The following DOCK1 variants were observed in gnomAD, a reference collection of about 807,000 sequenced individuals.
DOCK1 encodes the protein dedicator of cytokinesis 1.
In DOCK1, 138 loss-of-function variants were observed where a neutral mutation model predicts 262.7. That is an observed-to-expected ratio of 0.53 (90% CI 0.46 to 0.61). DOCK1 has a LOEUF of 0.61. DOCK1 is among the 20% of genes least tolerant of loss of function. The probability of loss-of-function intolerance (pLI) is 0.00; values close to 1 mark genes in which losing one functional copy is unlikely to be tolerated. For missense variants in DOCK1, 1,908 were observed against 2,370.7 expected (o/e 0.80, Z 4.05); for synonymous variants, 866 against 867.4 (o/e 1.00, Z 0.03).
At chr10:127,188,448 T>A (rs1243587928) in intron 27 of DOCK1, among the ~76,000 whole-genome samples, 2 of 152,200 alleles carry the variant, frequency 1.3e-5, no homozygotes, top group Non-Finnish European at 2.9e-5. Flanking sequence ...CTTCTAGAAA[T>A]TCCATGGCTT....
chr10:127,253,119 A>G (rs2059709628), intron 28 of DOCK1, among the ~76,000 whole-genome samples: 1 of 152,200 alleles, frequency 6.6e-6, no homozygotes, highest in Non-Finnish European at 1.5e-5. Flanking sequence ...CGAACCACAA[A>G]GAATCTGTAG....
At chr10:127,170,345 C>T (rs1186118332) in intron 27 of DOCK1, among the ~76,000 whole-genome samples, 1 of 152,198 alleles carries the variant, frequency 6.6e-6, no homozygotes, top group Non-Finnish European at 1.5e-5. Context: ...TCTCCCCCTA[C>T]CCCAAGCCTG....
At chr10:127,379,689 A>G (rs965152910) in intron 35 of DOCK1, among the ~76,000 whole-genome samples, 4 of 152,176 alleles carry the variant, frequency 2.6e-5, no homozygotes, top group African/African-American at 9.7e-5. Flanking sequence ...AATCATGTTG[A>G]TGATGCTTAT....
chr10:127,191,710 G>A (rs1022348381), intron 27 of DOCK1, among the ~76,000 whole-genome samples: 1 of 152,206 alleles, frequency 6.6e-6, no homozygotes, highest in East Asian at 1.9e-4. Context: ...CATTAAGGTT[G>A]GCAGTGAATA....
intron 27 of DOCK1, among the ~76,000 whole-genome samples, chr10:127,132,314 A>T (rs1294294902): frequency 6.6e-6 from 1 of 152,188 alleles, no homozygotes; most frequent in African/African-American, 2.4e-5. Flanking sequence ...TTACATCCTT[A>T]AGAAAAAACC....
intron 29 of DOCK1, among the ~76,000 whole-genome samples, chr10:127,274,686 G>A (rs1315971483): frequency 6.6e-6 from 1 of 152,228 alleles, no homozygotes; most frequent in African/African-American, 2.4e-5. Flanking sequence ...GTGATTGGTG[G>A]AAAGTTTAAA....
At chr10:127,057,481 A>G (rs567266007) in intron 22 of DOCK1, among the ~76,000 whole-genome samples, 61 of 152,348 alleles carry the variant, frequency 4.0e-4, no homozygotes, top group Non-Finnish European at 2.9e-4. Context: ...CTTTCTTGCT[A>G]TGCAGTCTCA....
intron 16 of DOCK1, among the ~76,000 whole-genome samples, chr10:127,031,346 C>T (rs185601555): frequency 5.9e-4 from 90 of 152,286 alleles, no homozygotes; most frequent in African/African-American, 2.0e-3. Flanking sequence ...GACCATGCTG[C>T]TCTTCTTGGC....
Position 127,392,989 on chromosome 10 carries a change from T to C in DOCK1, c.3927+8080T>C, listed in dbSNP as rs76743960. On this transcript the variant is annotated intron_variant, in intron 38 of 51. Transcript: ENST00000623213. ...CCGTCCAAATGACTACAGCAGTTTA[T>C]TAAGTGACCGAACGGGCAGACAAGC... Among the ~76,000 whole-genome samples, 983 of 152,328 alleles carry C rather than the reference T, an allele frequency of 6.5e-3. 12 individuals carry two copies. Among genetic ancestry groups the C allele is most frequent in the African/African-American group, 0.022 (930 of 41,570 alleles).
At chr10:127,321,161 T>A (rs1203461925) in intron 29 of DOCK1, among the ~76,000 whole-genome samples, 1 of 151,862 alleles carries the variant, frequency 6.6e-6, no homozygotes, top group Non-Finnish European at 1.5e-5. Context: ...TTGCGCTGTT[T>A]CCCTCTGGCA....
At chr10:127,414,162 C>G (rs1032817333) in intron 43 of DOCK1, among the ~76,000 whole-genome samples, 1 of 152,126 alleles carries the variant, frequency 6.6e-6, no homozygotes, top group Non-Finnish European at 1.5e-5. Flanking sequence ...TCTGCCCGCC[C>G]TGGCCTCCCA....
At position 126,929,464 on chromosome 10, in the gene DOCK1, G is replaced by A. The variant is rs988592747; in HGVS notation, c.46+23901G>A. On this transcript the variant is annotated intron_variant, in intron 1 of 51. Coordinates refer to ENST00000623213, the MANE Select transcript of DOCK1 (RefSeq NM_001290223.2). ...AGTGTTTGCTGTTGGCCAGAGAAGG[G>A]GCCTGGGGCTCAGTACTCATGGTGG... Among the ~76,000 whole-genome samples, 33 of 152,194 alleles carry A rather than the reference G, an allele frequency of 2.2e-4. No individual in the cohort carries two copies. In the East Asian group the frequency reaches 6.2e-3, roughly 29 times the overall value.
intron 1 of DOCK1, among the ~76,000 whole-genome samples, chr10:126,933,691 T>G (rs1440301570): frequency 2.6e-5 from 4 of 152,208 alleles, no homozygotes; most frequent in African/African-American, 9.6e-5. Context: ...ATGAGGTGTG[T>G]ATTCCTTCTG....
chr10:127,005,207 G>A (rs1191326117), intron 10 of DOCK1, among the ~76,000 whole-genome samples: 3 of 152,012 alleles, frequency 2.0e-5, no homozygotes, highest in Admixed American at 6.6e-5. Context: ...TTAGCCGGTC[G>A]TGGTGGCGCA....
intron 10 of DOCK1, among the ~76,000 whole-genome samples, chr10:127,006,964 T>C (rs948762361): frequency 1.3e-5 from 2 of 152,082 alleles, no homozygotes; most frequent in Non-Finnish European, 2.9e-5. Flanking sequence ...GAACTGGTGG[T>C]CTCGGGCATC....
chr10:127,063,472 A>G (rs1050044212), intron 23 of DOCK1, among the ~76,000 whole-genome samples: 1 of 149,800 alleles, frequency 6.7e-6, no homozygotes, highest in Non-Finnish European at 1.5e-5. Flanking sequence ...CGATTTCTTG[A>G]TTTTTTTTTT....
At chr10:126,924,234 A>G (rs1223388675) in intron 1 of DOCK1, among the ~76,000 whole-genome samples, 1 of 140,070 alleles carries the variant, frequency 7.1e-6, no homozygotes, top group Non-Finnish European at 1.5e-5. Context: ...GAATGCTGGA[A>G]CTGAGCAGGG....
At chr10:126,968,523 T>C (rs1211482046) in intron 1 of DOCK1, among the ~76,000 whole-genome samples, 2 of 152,170 alleles carry the variant, frequency 1.3e-5, no homozygotes, top group African/African-American at 2.4e-5. Context: ...GCTTTAGGGA[T>C]TGGGGAGTAG....
intron 47 of DOCK1, among the ~76,000 whole-genome samples, chr10:127,426,410 G>A (rs1384766775): frequency 1.3e-5 from 2 of 152,306 alleles, no homozygotes; most frequent in Non-Finnish European, 1.5e-5. Flanking sequence ...CAGCACTCAC[G>A]ACGGCCCATG....
Sources: gnomAD v4.1 joint callset for allele counts (sites outside exome capture counted in the v4.1 genomes callset) on GRCh38, gnomAD v4.1.1 for gene constraint, MANE v1.5 for transcripts, NCBI Gene and HGNC (gene_info 2026-07-23, HGNC 2026-07-21) for gene names.